The following MYO16 variants were observed in gnomAD, a reference collection of about 807,000 sequenced individuals.
The protein encoded by MYO16 is myosin XVI.
MYO16 carries 94 observed loss-of-function variants against 205.3 expected under a neutral mutation model. The ratio of observed to expected loss-of-function variants is 0.46; its 90% CI spans 0.39 to 0.54. The LOEUF (loss-of-function observed/expected upper bound fraction) is 0.54, where lower values mean the gene tolerates loss of function less well. Ranked by LOEUF, MYO16 falls within the 20% of genes least tolerant of loss-of-function variation. The probability of loss-of-function intolerance (pLI) is 0.00; values close to 1 mark genes in which losing one functional copy is unlikely to be tolerated. For missense variants in MYO16, 2,315 were observed against 2,387.5 expected (o/e 0.97, Z 0.63); for synonymous variants, 988 against 954.0 (o/e 1.04, Z -0.66).
chr13:108,808,472 T>C (rs937978652), intron 7 of MYO16, among the ~76,000 whole-genome samples: 2 of 151,940 alleles, frequency 1.3e-5, no homozygotes, highest in East Asian at 3.9e-4. Context: ...CCACCACGCC[T>C]GGCTAATTTT....
chr13:108,774,284 A>G (rs1224659614), intron 4 of MYO16, among the ~76,000 whole-genome samples: 1 of 152,210 alleles, frequency 6.6e-6, no homozygotes, highest in Admixed American at 6.5e-5. Context: ...GGTAAATTAA[A>G]TTTCCATTTG....
At chr13:108,564,172 CTTTT>C in the MYO16 span, among the ~76,000 whole-genome samples, 64 of 126,672 alleles carry the variant, frequency 5.1e-4, no homozygotes, top group African/African-American at 1.6e-3. Context: ...CTATTGCCTT[CTTTT>C]TTTTTTTTTT....
chr13:108,818,539 C>A (rs1263809202), intron 7 of MYO16, among the ~76,000 whole-genome samples: 1 of 151,952 alleles, frequency 6.6e-6, no homozygotes, highest in African/African-American at 2.4e-5. Flanking sequence ...AGTGATTGAA[C>A]TGTTAAGCAA....
chr13:108,969,610 A>G (rs1883932272), intron 20 of MYO16, among the ~76,000 whole-genome samples: 1 of 152,042 alleles, frequency 6.6e-6, no homozygotes, highest in Non-Finnish European at 1.5e-5. Flanking sequence ...CATGAATTCC[A>G]CCCAGACCAA....
At chr13:108,807,367 G>T (rs193207588) in intron 7 of MYO16, among the ~76,000 whole-genome samples, 2 of 151,870 alleles carry the variant, frequency 1.3e-5, no homozygotes, top group East Asian at 1.9e-4. Flanking sequence ...TGCATTTCAC[G>T]TATTTTAGAA....
intron 34 of MYO16, among the ~76,000 whole-genome samples, chr13:109,203,372 T>C (rs947633554): frequency 1.3e-5 from 2 of 151,632 alleles, no homozygotes; most frequent in Non-Finnish European, 2.9e-5. Flanking sequence ...AACAATCTTA[T>C]CACTTTCATT....
intron 16 of MYO16, 58 bp downstream of exon 16, chr13:108,910,208 T>TGAA: frequency 6.5e-7 from 1 of 1,527,012 alleles, no homozygotes; most frequent in Non-Finnish European, 9.0e-7. Context: ...GATTGCAATT[T>TGAA]GGTAGTCTTA....
chr13:108,967,088 A>C (rs976461097), intron 20 of MYO16, among the ~76,000 whole-genome samples: 10 of 152,074 alleles, frequency 6.6e-5, no homozygotes, highest in Admixed American at 5.9e-4. Context: ...TTGCGATAGA[A>C]TAGACATACT....
chr13:108,630,182 C>T (rs1879915137), intron 1 of MYO16, among the ~76,000 whole-genome samples: 1 of 149,956 alleles, frequency 6.7e-6, no homozygotes, highest in South Asian at 2.1e-4. Flanking sequence ...AAAGAAATTA[C>T]AAAAGCATAT....
At chr13:109,085,214 A>G (rs12427663) in intron 27 of MYO16, among the ~76,000 whole-genome samples, 1,830 of 152,290 alleles carry the variant, frequency 0.012, 23 homozygotes, top group South Asian at 0.033. Context: ...GTGAGGAGTC[A>G]CTGCAGGATA....
At chr13:109,040,385 C>CACACAGAGAG (rs1394314811) in intron 23 of MYO16, among the ~76,000 whole-genome samples, 1,989 of 113,270 alleles carry the variant, frequency 0.018, 26 homozygotes, top group Non-Finnish European at 0.027. Context: ...CACACACACA[C>CACACAGAGAG]AGAGAGAGAG....
Position 108,722,070 on chromosome 13 carries a change from T to C in MYO16, c.364-5370T>C, listed in dbSNP as rs191739089. Among the ~76,000 whole-genome samples the C allele has an allele frequency of 1.1e-3, 166 of 152,318 alleles. 1 individual carries two copies. Among genetic ancestry groups the C allele is most frequent in the African/African-American group, 3.8e-3 (159 of 41,572 alleles). Reference sequence around the variant, plus strand: ...TCAATAATTTTAAAACTGGAAGCCATGAATTTTCATTTTGCACTGGGTCCC... The same window carrying C: ...TCAATAATTTTAAAACTGGAAGCCACGAATTTTCATTTTGCACTGGGTCCC... On this transcript the variant is annotated intron_variant, in intron 3 of 34. Coordinates refer to ENST00000457511, the MANE Select transcript of MYO16 (RefSeq NM_001198950.3).
chr13:108,563,627 T>A, the MYO16 span, among the ~76,000 whole-genome samples: 1 of 152,352 alleles, frequency 6.6e-6, no homozygotes, highest in South Asian at 2.1e-4. Flanking sequence ...TCACTTAACA[T>A]AATGATCTCC....
chr13:108,716,736 AAG>A (rs1167363186), intron 3 of MYO16, among the ~76,000 whole-genome samples: 4 of 152,180 alleles, frequency 2.6e-5, no homozygotes, highest in Non-Finnish European at 4.4e-5. Flanking sequence ...CTTTGAGGGA[AAG>A]AGAGAATGCG....
At chr13:109,061,212 C>T (rs9521146) in intron 27 of MYO16, among the ~76,000 whole-genome samples, 75,196 of 151,962 alleles carry the variant, frequency 0.49, 18,627 homozygotes, top group Middle Eastern at 0.55. Context: ...GTCCAGACCA[C>T]TCAGACCTTC....
intron 22 of MYO16, among the ~76,000 whole-genome samples, chr13:109,015,124 G>C (rs1594470638): frequency 6.6e-6 from 1 of 152,252 alleles, no homozygotes; most frequent in East Asian, 1.9e-4. Flanking sequence ...TCATTATTTT[G>C]AGATACGTTC....
intron 27 of MYO16, among the ~76,000 whole-genome samples, chr13:109,058,007 G>C (rs1887468748): frequency 6.6e-6 from 1 of 152,236 alleles, no homozygotes; most frequent in East Asian, 1.9e-4. Flanking sequence ...TCTGACATGA[G>C]TGCACATCAA....
At chr13:108,912,175 G>A (rs1249569464) in intron 16 of MYO16, among the ~76,000 whole-genome samples, 2 of 152,096 alleles carry the variant, frequency 1.3e-5, no homozygotes, top group Admixed American at 6.5e-5. Flanking sequence ...TGCTGTGAGG[G>A]GTGAGTGATA....
intron 32 of MYO16, among the ~76,000 whole-genome samples, chr13:109,149,566 CTG>C (rs1489322940): frequency 2.0e-5 from 3 of 152,212 alleles, no homozygotes; most frequent in African/African-American, 7.2e-5. Context: ...TACAAGGTCT[CTG>C]TTTGAGAAAG....
Sources: gnomAD v4.1 joint callset for allele counts (sites outside exome capture counted in the v4.1 genomes callset) on GRCh38, gnomAD v4.1.1 for gene constraint, MANE v1.5 for transcripts, NCBI Gene and HGNC (gene_info 2026-07-23, HGNC 2026-07-21) for gene names.